The following ANXA8 variants were observed in gnomAD, a reference collection of about 807,000 sequenced individuals.
The protein encoded by ANXA8 is VAC-beta.
A neutral mutation model predicts 26.8 loss-of-function variants in ANXA8; 9 were observed. The observed-to-expected ratio is 0.34, with a 90% CI of 0.20 to 0.59. ANXA8 has a LOEUF of 0.59. ANXA8 is among the 20% of genes least tolerant of loss of function. The pLI, the probability that ANXA8 is intolerant of heterozygous loss-of-function variation, is 0.84. For missense variants in ANXA8, 83 were observed against 238.5 expected, an observed-to-expected ratio of 0.35 and a Z score of 4.29; for synonymous variants, 39 against 94.8, an observed-to-expected ratio of 0.41 and a Z score of 3.42.
At chr10:47,651,268 A>C in the ANXA8 span, among the ~76,000 whole-genome samples, 1 of 146,148 alleles carries the variant, frequency 6.8e-6, no homozygotes, top group Non-Finnish European at 1.5e-5. Context: ...GACTATAATA[A>C]CTTAAAAAAA....
At chr10:47,918,415 A>AAGAAAGAAAGAAAGAC in the ANXA8 span, among the ~76,000 whole-genome samples, 4 of 32,020 alleles carry the variant, frequency 1.2e-4, 1 homozygote, top group African/African-American at 7.5e-4. Flanking sequence ...GAAAGAAAGA[A>AAGAAAGAAAGAAAGAC]AGAAAGAAAG....
chr10:47,513,165 G>T, the ANXA8 span, among the ~76,000 whole-genome samples: 1 of 149,578 alleles, frequency 6.7e-6, no homozygotes, highest in African/African-American at 2.4e-5. Flanking sequence ...CACCCGAGTA[G>T]ATGGGATAAC....
the ANXA8 span, among the ~76,000 whole-genome samples, chr10:47,709,768 A>G: frequency 4.2e-5 from 4 of 96,150 alleles, no homozygotes; most frequent in South Asian, 1.2e-3. Flanking sequence ...ACTCAGGGAG[A>G]GAACCAGTGA....
the ANXA8 span, among the ~76,000 whole-genome samples, chr10:47,733,163 T>TTCTTTCTTTCTTTCTTTCTCTC: frequency 2.0e-5 from 2 of 98,008 alleles, no homozygotes; most frequent in African/African-American, 6.8e-5. Context: ...CTTTCTTTCT[T>TTCTTTCTTTCTTTCTTTCTCTC]TCTTTCTTTC....
chr10:47,486,216 G>A (rs1308520296), upstream of ANXA8, among the ~76,000 whole-genome samples: 15 of 151,420 alleles, frequency 9.9e-5, no homozygotes, highest in Middle Eastern at 3.4e-3. Context: ...TGATCTCTGC[G>A]AGAACAGGAA....
At chr10:47,740,854 G>A in the ANXA8 span, among the ~76,000 whole-genome samples, 13 of 144,462 alleles carry the variant, frequency 9.0e-5, no homozygotes, top group South Asian at 2.7e-3. Context: ...TGTTGGGGCA[G>A]GGATTTAAAT....
the ANXA8 span, among the ~76,000 whole-genome samples, chr10:47,896,188 G>A: frequency 1.3e-5 from 2 of 149,948 alleles, no homozygotes. Flanking sequence ...ATGCCCTGAA[G>A]ATGATAAGCA....
At chr10:47,951,618 T>G in the ANXA8 span, among the ~76,000 whole-genome samples, 1 of 150,362 alleles carries the variant, frequency 6.7e-6, no homozygotes, top group African/African-American at 2.5e-5. Flanking sequence ...AAGACCAGCC[T>G]GGGCAACATG....
the ANXA8 span, among the ~76,000 whole-genome samples, chr10:47,567,140 C>CTGTG: frequency 9.8e-6 from 1 of 102,562 alleles, no homozygotes; most frequent in Non-Finnish European, 1.9e-5. Context: ...AGCCAAGCCC[C>CTGTG]CGTGCTTCTG....
the ANXA8 span, chr10:47,970,503 A>C: frequency 2.0e-5 from 3 of 151,216 alleles, no homozygotes; most frequent in African/African-American, 4.8e-5. Context: ...CGCCACTTCA[A>C]ACAATGAACA....
upstream of ANXA8, among the ~76,000 whole-genome samples, chr10:47,484,913 G>A (rs1275398538): frequency 1.3e-4 from 19 of 148,228 alleles, 1 homozygote; most frequent in South Asian, 8.8e-4. Context: ...TGTAGTAAGC[G>A]TCCTCCCGGC....
the ANXA8 span, among the ~76,000 whole-genome samples, chr10:47,930,125 A>G: frequency 6.6e-6 from 1 of 151,614 alleles, no homozygotes; most frequent in Non-Finnish European, 1.5e-5. Flanking sequence ...TCTACTTCCT[A>G]CTCTTGCTGC....
At chr10:47,743,277 TACACACATATATATATAC>T in the ANXA8 span, among the ~76,000 whole-genome samples, 2 of 92,268 alleles carry the variant, frequency 2.2e-5, no homozygotes, top group South Asian at 3.8e-4. Context: ...TATATATATA[TACACACATATATATATAC>T]ACATATATAT....
the ANXA8 span, among the ~76,000 whole-genome samples, chr10:47,574,109 CTT>C: frequency 0.014 from 345 of 25,442 alleles, 4 homozygotes; most frequent in African/African-American, 0.053. Context: ...AGTTTAACCT[CTT>C]TTTTTTTTTT....
At chr10:47,895,030 C>CAATAT in the ANXA8 span, among the ~76,000 whole-genome samples, 1 of 151,948 alleles carries the variant, frequency 6.6e-6, no homozygotes, top group Non-Finnish European at 1.5e-5. Context: ...CACATCCACA[C>CAATAT]AATATACCAC....
At chr10:47,776,864 C>T in the ANXA8 span, among the ~76,000 whole-genome samples, 12 of 151,512 alleles carry the variant, frequency 7.9e-5, no homozygotes, top group Admixed American at 7.9e-4. Context: ...GCCTGGGAGC[C>T]CAGGTTTTTT....
the ANXA8 span, among the ~76,000 whole-genome samples, chr10:47,659,207 G>A: frequency 6.6e-6 from 1 of 151,674 alleles, no homozygotes; most frequent in African/African-American, 2.4e-5. Context: ...ACAGCATGTG[G>A]CACATAGTAG....
the ANXA8 span, among the ~76,000 whole-genome samples, chr10:47,573,922 C>A: frequency 2.0e-5 from 3 of 149,706 alleles, no homozygotes; most frequent in African/African-American, 7.5e-5. Context: ...AGCCCTGTAT[C>A]CAATATATCA....
chr10:47,697,513 A>G, the ANXA8 span, among the ~76,000 whole-genome samples: 1 of 149,792 alleles, frequency 6.7e-6, no homozygotes, highest in South Asian at 2.1e-4. Flanking sequence ...ATGTATATGG[A>G]AGATAGAGCA....
Sources: gnomAD v4.1 joint callset for allele counts (sites outside exome capture counted in the v4.1 genomes callset) on GRCh38, gnomAD v4.1.1 for gene constraint, MANE v1.5 for transcripts, NCBI Gene and HGNC (gene_info 2026-07-23, HGNC 2026-07-21) for gene names.